The following FAM118A variants were observed in gnomAD, a reference collection of about 807,000 sequenced individuals.
The protein encoded by FAM118A is SIR2 antiphage like 2.
Under a neutral mutation model 38.2 loss-of-function variants are expected in FAM118A, and 25 were observed. The observed-to-expected ratio is 0.65, with a 90% CI of 0.48 to 0.91. FAM118A has a LOEUF of 0.91. FAM118A is among the 40% of genes least tolerant of loss of function. The pLI, the probability that FAM118A is intolerant of heterozygous loss-of-function variation, is 0.00. For missense variants in FAM118A, 425 were observed against 463.3 expected (o/e 0.92, Z 0.76); for synonymous variants, 178 against 184.1 (o/e 0.97, Z 0.27).
chr22:45,321,686 T>G (rs1044608194), intron 1 of FAM118A: 1 of 154,782 alleles, frequency 6.5e-6, no homozygotes, highest in Non-Finnish European at 1.4e-5. Context: ...ATGCTGGGAT[T>G]ACAAGCATGA....
chr22:45,331,525 C>T (rs1276328192), intron 5 of FAM118A, among the ~76,000 whole-genome samples: 2 of 152,064 alleles, frequency 1.3e-5, no homozygotes, highest in African/African-American at 4.8e-5. Flanking sequence ...CAGGTGTGTG[C>T]CCCTACTCCC....
At chr22:45,319,149 C>T (rs1228710678) in intron 1 of FAM118A, among the ~76,000 whole-genome samples, 1 of 152,184 alleles carries the variant, frequency 6.6e-6, no homozygotes, top group Admixed American at 6.5e-5. Context: ...AGCAATTGAA[C>T]AGTGGTTGAA....
At chr22:45,315,996 G>A (rs756864081) in intron 1 of FAM118A, among the ~76,000 whole-genome samples, 14 of 152,160 alleles carry the variant, frequency 9.2e-5, no homozygotes, top group Non-Finnish European at 1.6e-4. Context: ...TTCATTTGTG[G>A]TTAGAAATAT....
intron 3 of FAM118A, 60 bp from the exon 4 acceptor site, chr22:45,327,782 A>T (rs2085391755): frequency 1.9e-6 from 3 of 1,550,866 alleles, no homozygotes; most frequent in Admixed American, 3.4e-5. Context: ...TGGCCTGCTT[A>T]GGTGCTCAGT....
upstream of FAM118A, chr22:45,309,851 G>A (rs2084285317): frequency 6.6e-6 from 1 of 152,158 alleles, no homozygotes; most frequent in Non-Finnish European, 1.5e-5. Flanking sequence ...CTTCCCCGGG[G>A]CGGGGCCTCC....
At chr22:45,335,405 C>T in intron 7 of FAM118A, 23 bp downstream of exon 7, 1 of 1,613,998 alleles carries the variant, frequency 6.2e-7, no homozygotes, top group Non-Finnish European at 8.5e-7. Flanking sequence ...TTTCTTCTTG[C>T]CAGCCTGTTT....
intron 1 of FAM118A, among the ~76,000 whole-genome samples, chr22:45,315,538 G>A (rs894772403): frequency 3.3e-5 from 5 of 152,180 alleles, no homozygotes; most frequent in Admixed American, 6.5e-5. Flanking sequence ...TCAGATACGC[G>A]TCTCCCTTGA....
intron 1 of FAM118A, among the ~76,000 whole-genome samples, chr22:45,317,525 T>C (rs772337113): frequency 4.6e-5 from 7 of 152,214 alleles, no homozygotes; most frequent in Non-Finnish European, 8.8e-5. Context: ...TACACCACTT[T>C]TAATCATTAC....
At chr22:45,333,606 A>G (rs1404362202) in intron 6 of FAM118A, among the ~76,000 whole-genome samples, 9 of 150,724 alleles carry the variant, frequency 6.0e-5, no homozygotes, top group East Asian at 5.9e-4. Flanking sequence ...CCCGGGAGGC[A>G]GAGCTTGCAG....
intron 1 of FAM118A, among the ~76,000 whole-genome samples, chr22:45,311,484 C>T (rs985975132): frequency 5.9e-5 from 9 of 152,080 alleles, no homozygotes; most frequent in Non-Finnish European, 1.0e-4. Context: ...GGAAGTGTCT[C>T]GCTAGAGACC....
chr22:45,334,742 C>CA (rs1156923372), intron 6 of FAM118A, among the ~76,000 whole-genome samples: 1 of 152,190 alleles, frequency 6.6e-6, no homozygotes, highest in Non-Finnish European at 1.5e-5. Flanking sequence ...GACTGCAGAG[C>CA]AAAATACACC....
chr22:45,320,366 A>G (rs1442589393), intron 1 of FAM118A, among the ~76,000 whole-genome samples: 1 of 147,164 alleles, frequency 6.8e-6, no homozygotes, highest in Non-Finnish European at 1.5e-5. Flanking sequence ...CCTGGTGACA[A>G]AGCGAGACTC....
intron 3 of FAM118A, among the ~76,000 whole-genome samples, chr22:45,326,386 A>T (rs143025206): frequency 1.3e-5 from 2 of 152,306 alleles, no homozygotes; most frequent in East Asian, 3.9e-4. Context: ...TGTGTCTCTC[A>T]GAGTATATGC....
chr22:45,315,002 G>A (rs2084542966), intron 1 of FAM118A, among the ~76,000 whole-genome samples: 1 of 152,222 alleles, frequency 6.6e-6, no homozygotes, highest in Non-Finnish European at 1.5e-5. Context: ...CCACCTCATC[G>A]GGTTATTGAG....
intron 8 of FAM118A, among the ~76,000 whole-genome samples, chr22:45,339,049 C>T (rs1273846897): frequency 1.3e-5 from 2 of 152,226 alleles, no homozygotes; most frequent in African/African-American, 4.8e-5. Context: ...GCTGATGTGG[C>T]AGTCCTTGTG....
intron 8 of FAM118A, chr22:45,337,977 T>G (rs1485602267): frequency 2.3e-6 from 2 of 881,086 alleles, no homozygotes; most frequent in Non-Finnish European, 2.7e-6. Context: ...AGGTACCCGT[T>G]GCTTTTTTTC....
In FAM118A at chr22:45,327,987, A is replaced by G. The variant is rs755449836; in HGVS notation, c.446A>G (p.Tyr149Cys). The G allele has an allele frequency of 1.9e-6, 3 of 1,613,122 alleles. No individual in the cohort carries two copies. Among genetic ancestry groups the G allele is most frequent in the Non-Finnish European group, 2.5e-6 (3 of 1,179,696 alleles). Reference sequence around the variant, plus strand: ...GGCGCCATGGTCCTGACCACCAACTATGACAACCTGCTGGAGGCCTTTGGC... The same window carrying G: ...GGCGCCATGGTCCTGACCACCAACTGTGACAACCTGCTGGAGGCCTTTGGC... ...DRGAMVLTTN[Y>C]DNLLEAFGRR... The change falls in exon 4 of 9, where the codon TAT becomes TGT. Residue 149 changes from tyrosine (Y) to cysteine (C), a missense_variant. Coordinates refer to ENST00000441876, the MANE Select transcript of FAM118A (RefSeq NM_017911.4).
At chr22:45,318,162 A>G (rs992113294) in intron 1 of FAM118A, among the ~76,000 whole-genome samples, 18 of 152,192 alleles carry the variant, frequency 1.2e-4, no homozygotes, top group Admixed American at 5.2e-4. Context: ...ACTCTATGCT[A>G]GTTTATAAAA....
chr22:45,330,421 A>G (rs1601956890), intron 4 of FAM118A, 182 bp from the exon 5 acceptor site: 3 of 535,006 alleles, frequency 5.6e-6, no homozygotes, highest in Non-Finnish European at 8.9e-6. Context: ...TAGGACGGGA[A>G]TAACTAGGGC....
Sources: gnomAD v4.1 joint callset for allele counts (sites outside exome capture counted in the v4.1 genomes callset) on GRCh38, gnomAD v4.1.1 for gene constraint, MANE v1.5 for transcripts, NCBI Gene and HGNC (gene_info 2026-07-23, HGNC 2026-07-21) for gene names.